EPRS1: variants seen among roughly 807,000 people sequenced by gnomAD.
EPRS1 encodes bifunctional glutamate/proline--tRNA ligase.
Under a neutral mutation model 188.3 loss-of-function variants are expected in EPRS1, and 107 were observed. The ratio of observed to expected loss-of-function variants is 0.57; its 90% CI spans 0.49 to 0.67. The LOEUF (loss-of-function observed/expected upper bound fraction) is 0.67, where lower values mean the gene tolerates loss of function less well. EPRS1 is among the 30% of genes least tolerant of loss of function. The pLI is 0.00. For synonymous variants in EPRS1, 596 were observed against 593.1 expected, an observed-to-expected ratio of 1.00 and a Z score of -0.07; for missense variants, 1,577 against 1,802.2, an observed-to-expected ratio of 0.88 and a Z score of 2.26.
chr1:220,010,079 A>G (rs1661569167), intron 13 of EPRS1, among the ~76,000 whole-genome samples: 1 of 132,124 alleles, frequency 7.6e-6, no homozygotes, highest in Admixed American at 8.7e-5. Flanking sequence ...CTGGGCCACA[A>G]AGCGCAACTG....
chr1:220,010,123 G>C (rs1398014904), intron 13 of EPRS1, among the ~76,000 whole-genome samples: 1 of 142,696 alleles, frequency 7.0e-6, no homozygotes, highest in Non-Finnish European at 1.5e-5. Flanking sequence ...ATTCTATTCA[G>C]AATTTAGATG....
chr1:220,002,679 G>T (rs1661383065), intron 16 of EPRS1, among the ~76,000 whole-genome samples: 1 of 152,042 alleles, frequency 6.6e-6, no homozygotes, highest in South Asian at 2.1e-4. Context: ...GGGAAACATG[G>T]TGAAACCCTG....
chr1:220,014,408 C>A (rs1295089777), intron 12 of EPRS1, among the ~76,000 whole-genome samples: 1 of 151,994 alleles, frequency 6.6e-6, no homozygotes, highest in Non-Finnish European at 1.5e-5. Flanking sequence ...CTCCATATAA[C>A]CAGGCAACTG....
In EPRS1 at chr1:220,032,482, C is replaced by T; in HGVS notation, c.433G>A (p.Val145Ile). 1.2e-6 allele frequency: 2 copies of T among 1,613,806 alleles called. No individual in the cohort carries two copies. The highest frequency in any genetic ancestry group is 1.7e-6 in the Non-Finnish European group (2 of 1,179,936). The change falls in exon 5 of 32, where the codon GTT becomes ATT. Residue 145 changes from valine (V) to isoleucine (I), a missense_variant. Val to Ile is a conservative substitution (Grantham distance 29, BLOSUM62 3). This residue lies in a region of EPRS1 where 1,278 missense variants were observed against 1,457.4 expected (regional missense o/e 0.88). Transcript: ENST00000366923. ...AAGCCAAACCAACGTTTTACATGAA[C>T]TGGAGCTTTCTTCTGTTTCAACTGT... is the stretch of plus-strand genomic sequence containing the variant. ...QEQLKQKKAP[V>I]HVKRWFGFLE...
At chr1:220,016,666 A>G (rs1257339336) in intron 12 of EPRS1, among the ~76,000 whole-genome samples, 2 of 122,544 alleles carry the variant, frequency 1.6e-5, no homozygotes, top group African/African-American at 6.3e-5. Context: ...CGATCCTCCT[A>G]CCTTGGCCTT....
chr1:219,989,678 C>G (rs115527279), intron 18 of EPRS1, among the ~76,000 whole-genome samples: 2 of 152,150 alleles, frequency 1.3e-5, no homozygotes, highest in Non-Finnish European at 2.9e-5. Flanking sequence ...CAATGGTATA[C>G]CTTCACAAAA....
intron 20 of EPRS1, among the ~76,000 whole-genome samples, chr1:219,986,450 A>C (rs970724064): frequency 1.3e-5 from 2 of 152,194 alleles, no homozygotes; most frequent in Non-Finnish European, 2.9e-5. Context: ...TGCCAATATC[A>C]AGTGCCATAT....
chr1:220,007,971 G>A (rs1178876805), intron 13 of EPRS1, among the ~76,000 whole-genome samples: 2 of 152,140 alleles, frequency 1.3e-5, no homozygotes, highest in African/African-American at 4.8e-5. Context: ...ACTGGGCGTG[G>A]TGGCATGCAC....
At chr1:220,004,928 T>C (rs77527156) in intron 16 of EPRS1, among the ~76,000 whole-genome samples, 3,507 of 152,180 alleles carry the variant, frequency 0.023, 76 homozygotes, top group East Asian at 0.068. Context: ...AAGAAAAAGA[T>C]AATGGTAATA....
At position 220,006,106 on chromosome 1, in the gene EPRS1, C is replaced by T; in HGVS notation, c.1950G>A (p.Lys650=). 1 of 1,534,750 alleles carries T rather than the reference C, an allele frequency of 6.5e-7. No homozygotes were observed. Among genetic ancestry groups the T allele is most frequent in the Non-Finnish European group, 8.8e-7 (1 of 1,132,868 alleles). The change falls in exon 15 of 32, where the codon AAG becomes AAA. Residue 650 remains lysine (K), a splice_region_variant and synonymous_variant. Coordinates refer to ENST00000366923, the MANE Select transcript of EPRS1 (RefSeq NM_004446.3). Reference sequence around the variant, plus strand: ...AAATATGGTTTCTTTGGAAGGTTACCTTACTGTTCTTGTTGACATACTGCT... The same window carrying T: ...AAATATGGTTTCTTTGGAAGGTTACTTTACTGTTCTTGTTGACATACTGCT... The part of the protein sequence containing the change: ...DFKQYVNKNS[K]HEELMLGDPC...
At chr1:220,006,074 A>C in intron 15 of EPRS1, 32 bp downstream of exon 15, 2 of 1,302,120 alleles carry the variant, frequency 1.5e-6, no homozygotes, top group Non-Finnish European at 2.1e-6. Context: ...GGAAAATTTA[A>C]AAGGTGAAAT....
At chr1:220,013,425 T>C (rs760692395) in intron 12 of EPRS1, among the ~76,000 whole-genome samples, 8 of 152,198 alleles carry the variant, frequency 5.3e-5, no homozygotes, top group Non-Finnish European at 8.8e-5. Flanking sequence ...TTCTTTTCTT[T>C]ACCACGTACA....
At chr1:220,018,933 G>C in intron 11 of EPRS1, 62 bp downstream of exon 11, 2 of 1,022,994 alleles carry the variant, frequency 2.0e-6, no homozygotes, top group Non-Finnish European at 3.1e-6. Context: ...AAGAGTAAAG[G>C]GACAGTAATA....
chr1:219,985,347 CAT>C (rs1327711446), intron 20 of EPRS1, among the ~76,000 whole-genome samples: 2 of 152,164 alleles, frequency 1.3e-5, no homozygotes, highest in African/African-American at 2.4e-5. Flanking sequence ...AATACACACA[CAT>C]ATGTGTGTGT....
chr1:220,010,672 T>A (rs1163484925), intron 13 of EPRS1, among the ~76,000 whole-genome samples: 1 of 151,764 alleles, frequency 6.6e-6, no homozygotes, highest in Admixed American at 6.6e-5. Flanking sequence ...TAGCTAGGCG[T>A]AGTGGGGGGC....
chr1:220,006,391 TTTA>T (rs1260607386), intron 14 of EPRS1, 78 bp from the exon 15 acceptor site: 2 of 404,550 alleles, frequency 4.9e-6, no homozygotes, highest in Non-Finnish European at 8.2e-6. Context: ...CTATAATAAT[TTTA>T]TATTATTATA....
At chr1:219,971,803 C>CACACACACAT (rs1660672566) in intron 30 of EPRS1, among the ~76,000 whole-genome samples, 1 of 59,182 alleles carries the variant, frequency 1.7e-5, no homozygotes, top group Non-Finnish European at 3.9e-5. Context: ...TATACATATA[C>CACACACACAT]ACACACACTA....
intron 3 of EPRS1, among the ~76,000 whole-genome samples, chr1:220,034,687 A>G (rs943759460): frequency 3.3e-5 from 5 of 152,150 alleles, no homozygotes; most frequent in African/African-American, 1.2e-4. Flanking sequence ...AATGCTCCCA[A>G]AAGTACAGCT....
Position 219,988,617 on chromosome 1 carries a change from C to T in EPRS1, c.2748G>A (p.Arg916=). Residue 916 remains arginine, a synonymous_variant, in exon 19 of 32, where the codon CGG becomes CGA. Coordinates refer to ENST00000366923, the MANE Select transcript of EPRS1 (RefSeq NM_004446.3). ...TAGGGGCTTTTTCAGTTTTAAGTTT[C>T]CGAACTACTTCCCCTTGAGAAGCTA... ...DKVASQGEVV[R]KLKTEKAPKD... The T allele has an allele frequency of 6.2e-7, 1 of 1,613,354 alleles. No individual in the cohort carries two copies. The highest frequency in any genetic ancestry group is 1.1e-5 in the South Asian group (1 of 91,052).
Sources: allele counts gnomAD v4.1 joint callset (sites outside exome capture counted in the v4.1 genomes callset), GRCh38; gene constraint gnomAD v4.1.1; regional missense constraint gnomAD v4.1.1; transcripts MANE v1.5; gene names NCBI Gene and HGNC (gene_info 2026-07-23, HGNC 2026-07-21).